Variants in H2AZ2 observed in about 807,000 individuals in gnomAD.
H2AZ2 encodes the protein H2A.Z variant histone 2.
A neutral mutation model predicts 15.5 loss-of-function variants in H2AZ2; 5 were observed. That is an observed-to-expected ratio of 0.32 (90% CI 0.17 to 0.68). The LOEUF is 0.68. Among genes scored for constraint, H2AZ2 ranks in the 30% least tolerant of loss-of-function variants. The pLI, the probability that H2AZ2 is intolerant of heterozygous loss-of-function variation, is 0.72. For synonymous variants in H2AZ2, 44 were observed against 57.4 expected, an observed-to-expected ratio of 0.77 and a Z score of 1.05; for missense variants, 42 against 162.5, an observed-to-expected ratio of 0.26 and a Z score of 4.03.
chr7:44,845,607 A>C (rs1793378793), intron 1 of H2AZ2, among the ~76,000 whole-genome samples: 1 of 152,194 alleles, frequency 6.6e-6, no homozygotes. Context: ...AACAACTACA[A>C]AATTCCCCAG....
At chr7:44,843,467 G>C (rs1175897320) in intron 1 of H2AZ2, 113 bp from the exon 2 acceptor site, 1 of 640,546 alleles carries the variant, frequency 1.6e-6, no homozygotes, top group East Asian at 2.8e-5. Context: ...CAATATGTAG[G>C]TGATCCCCTT....
chr7:44,840,835 T>G, intron 3 of H2AZ2, 64 bp downstream of exon 3: 1 of 1,067,786 alleles, frequency 9.4e-7, no homozygotes, highest in Non-Finnish European at 1.4e-6. Context: ...ATTCCATGGG[T>G]TTCTGTCACT....
downstream of H2AZ2, chr7:44,829,119 G>A (rs1792965664): frequency 6.6e-6 from 1 of 152,120 alleles, no homozygotes; most frequent in Admixed American, 6.6e-5. Flanking sequence ...GAAGGTGATG[G>A]GGACCAAAAT....
chr7:44,845,863 A>T (rs761298465), intron 1 of H2AZ2, among the ~76,000 whole-genome samples: 2 of 152,188 alleles, frequency 1.3e-5, no homozygotes, highest in African/African-American at 2.4e-5. Context: ...ATAAATGGAT[A>T]ATTACTTTCT....
chr7:44,838,983 T>A (rs1793199708), intron 3 of H2AZ2, among the ~76,000 whole-genome samples: 1 of 152,184 alleles, frequency 6.6e-6, no homozygotes, highest in African/African-American at 2.4e-5. Flanking sequence ...CAACGGATTT[T>A]TTTAAAGGAG....
At chr7:44,842,763 G>A (rs1260781936) in intron 2 of H2AZ2, among the ~76,000 whole-genome samples, 1 of 152,126 alleles carries the variant, frequency 6.6e-6, no homozygotes, top group Non-Finnish European at 1.5e-5. Context: ...GGTATCATCT[G>A]GATAATGTTG....
Position 44,840,902 on chromosome 7 carries a change from T to C in H2AZ2, c.192A>G (p.Ala64=), listed in dbSNP as rs774971540. 6.2e-7 allele frequency: 1 copy of C among 1,609,844 alleles called. No homozygotes were observed. Among genetic ancestry groups the C allele is most frequent in the East Asian group, 2.2e-5 (1 of 44,860 alleles). ...CAACAGACATTCCTGTACAAACCTC[T>C]GCAGTGAGGTACTCCAGAATCGCAG... ...YSAAILEYLT[A]EVLELAGNAS... The change falls in exon 3 of 5, where the codon GCA becomes GCG. Residue 64 remains alanine (A), a synonymous_variant. Coordinates refer to ENST00000308153, the MANE Select transcript of H2AZ2 (RefSeq NM_012412.5).
At chr7:44,847,790 G>A (rs535062528) in intron 1 of H2AZ2, among the ~76,000 whole-genome samples, 179 bp downstream of exon 1, 6 of 152,294 alleles carry the variant, frequency 3.9e-5, no homozygotes, top group Non-Finnish European at 7.4e-5. Flanking sequence ...CTCACCCGGG[G>A]ACCCGTGTCG....
At chr7:44,845,070 C>G (rs1398766425) in intron 1 of H2AZ2, among the ~76,000 whole-genome samples, 1 of 151,980 alleles carries the variant, frequency 6.6e-6, no homozygotes, top group Non-Finnish European at 1.5e-5. Context: ...AGATGGTAAG[C>G]TTTGAAATGG....
intron 1 of H2AZ2, among the ~76,000 whole-genome samples, chr7:44,844,764 C>T (rs749246952): frequency 2.0e-5 from 3 of 152,006 alleles, no homozygotes; most frequent in Admixed American, 2.0e-4. Flanking sequence ...CTGAACTGTA[C>T]GCTTTAAAAA....
chr7:44,830,396 A>C (rs1314673914), downstream of H2AZ2, among the ~76,000 whole-genome samples: 1 of 152,198 alleles, frequency 6.6e-6, no homozygotes, highest in African/African-American at 2.4e-5. Flanking sequence ...AAAGCAAGTC[A>C]CATTTCTCAT....
At chr7:44,838,059 C>T (rs1339257783) in intron 3 of H2AZ2, among the ~76,000 whole-genome samples, 3 of 152,096 alleles carry the variant, frequency 2.0e-5, no homozygotes, top group African/African-American at 7.2e-5. Flanking sequence ...CAACCTCTGC[C>T]TTCTGGGTTC....
downstream of H2AZ2, chr7:44,827,582 G>C (rs989162025): frequency 6.6e-6 from 1 of 152,222 alleles, no homozygotes; most frequent in Non-Finnish European, 1.5e-5. Context: ...TACAACTGCA[G>C]AGTTTATTTA....
intron 3 of H2AZ2, among the ~76,000 whole-genome samples, chr7:44,839,127 A>C (rs150417875): frequency 9.2e-4 from 140 of 152,364 alleles, no homozygotes; most frequent in African/African-American, 3.1e-3. Flanking sequence ...GGACAGACTG[A>C]GTCTTTTACT....
chr7:44,846,028 C>CACAT (rs1240618881), intron 1 of H2AZ2, among the ~76,000 whole-genome samples: 1 of 54,760 alleles, frequency 1.8e-5, no homozygotes, highest in Non-Finnish European at 3.4e-5. Context: ...AAAAATTACA[C>CACAT]ACACACACAC....
At chr7:44,835,717 T>G in intron 3 of H2AZ2, 59 bp from the exon 4 acceptor site, 3 of 1,459,832 alleles carry the variant, frequency 2.1e-6, no homozygotes, top group Non-Finnish European at 2.8e-6. Flanking sequence ...AAATGAAGGA[T>G]CACTTAGCAT....
At chr7:44,828,445 G>C (rs2117016071), downstream of H2AZ2, 1 of 152,286 alleles carries the variant, frequency 6.6e-6, no homozygotes, top group South Asian at 2.1e-4. Context: ...CAGGAACTGT[G>C]CTAAGTGTCT....
chr7:44,836,499 C>T (rs1277198690), intron 3 of H2AZ2, among the ~76,000 whole-genome samples: 1 of 152,020 alleles, frequency 6.6e-6, no homozygotes, highest in Non-Finnish European at 1.5e-5. Flanking sequence ...CCATCGCACT[C>T]AGCCTAAAAT....
At chr7:44,846,658 A>G (rs1793418431) in intron 1 of H2AZ2, among the ~76,000 whole-genome samples, 1 of 143,936 alleles carries the variant, frequency 6.9e-6, no homozygotes, top group East Asian at 2.1e-4. Flanking sequence ...AAAAAACCAA[A>G]AAAAAAAAAA....
Sources: allele counts gnomAD v4.1 joint callset (sites outside exome capture counted in the v4.1 genomes callset), GRCh38; gene constraint gnomAD v4.1.1; transcripts MANE v1.5; gene names NCBI Gene and HGNC (gene_info 2026-07-23, HGNC 2026-07-21).